PRIM2: variants seen among roughly 807,000 people sequenced by gnomAD.
PRIM2 encodes DNA primase subunit 2.
Under a neutral mutation model 67.3 loss-of-function variants are expected in PRIM2, and 39 were observed. The observed-to-expected ratio is 0.58, with a 90% confidence interval of 0.45 to 0.76. PRIM2 has a LOEUF of 0.76. PRIM2 is among the 30% of genes least tolerant of loss of function. The pLI, the probability that PRIM2 is intolerant of heterozygous loss-of-function variation, is 0.00. For synonymous variants in PRIM2, 143 were observed against 198.7 expected, an observed-to-expected ratio of 0.72 and a Z score of 2.36; for missense variants, 398 against 598.7, an observed-to-expected ratio of 0.66 and a Z score of 3.50.
At chr6:57,482,834 A>C (rs1773663086) in intron 7 of PRIM2, among the ~76,000 whole-genome samples, 1 of 152,164 alleles carries the variant, frequency 6.6e-6, no homozygotes. Context: ...AAGTCTACCA[A>C]ACACAAGGAT....
chr6:57,326,007 C>A lies in PRIM2; in HGVS notation c.421C>A (p.Gln141Lys). Residue 141 changes from glutamine (Q) to lysine (K), a missense_variant, in exon 5 of 14, where the codon CAG (glutamine) becomes AAG (lysine). This residue lies in a region of PRIM2 where 229 missense variants were observed against 383.6 expected (regional missense o/e 0.60). Transcript: ENST00000615550. ...RFSILPKDKI[Q>K]DFLKDSQLQF... ...TAGTATTTTACCCAAGGATAAAATT[C>A]AGGATTTCTTAAAGGATAGCCAATT... The A allele has an allele frequency of 6.2e-7, 1 of 1,612,874 alleles. No individual in the cohort carries two copies.
At chr6:57,280,833 T>A in the PRIM2 span, among the ~76,000 whole-genome samples, 5 of 151,316 alleles carry the variant, frequency 3.3e-5, no homozygotes, top group African/African-American at 4.9e-5. Context: ...TTAAAAAAAA[T>A]TTTCATTGAG....
At chr6:57,591,196 C>T (rs1163921321) in intron 10 of PRIM2, among the ~76,000 whole-genome samples, 11 of 152,138 alleles carry the variant, frequency 7.2e-5, no homozygotes, top group Non-Finnish European at 1.2e-4. Flanking sequence ...AATTTAGTTA[C>T]ATAAGAATTT....
intron 5 of PRIM2, among the ~76,000 whole-genome samples, chr6:57,355,064 G>A (rs145903505): frequency 0.028 from 4,286 of 152,112 alleles, 73 homozygotes; most frequent in Non-Finnish European, 0.04. Context: ...AGCACTTCGG[G>A]AGGCTGAGGT....
chr6:57,596,805 T>C (rs1452518480), intron 10 of PRIM2, among the ~76,000 whole-genome samples: 3 of 151,964 alleles, frequency 2.0e-5, no homozygotes, highest in Non-Finnish European at 4.4e-5. Flanking sequence ...TCCACTATAC[T>C]CTATATAGGG....
intron 8 of PRIM2, among the ~76,000 whole-genome samples, chr6:57,524,293 C>T (rs1774694249): frequency 6.6e-6 from 1 of 152,180 alleles, no homozygotes; most frequent in African/African-American, 2.4e-5. Context: ...GGAAAACTAG[C>T]CATGCTGGCC....
chr6:57,569,156 C>T (rs1196773288), intron 10 of PRIM2, among the ~76,000 whole-genome samples: 1 of 152,204 alleles, frequency 6.6e-6, no homozygotes, highest in East Asian at 1.9e-4. Context: ...GTCTTATGCT[C>T]TCATTTTTAT....
chr6:57,382,568 A>C (rs1769999340), intron 7 of PRIM2: 1 of 155,364 alleles, frequency 6.4e-6, no homozygotes, highest in African/African-American at 2.4e-5. Context: ...ACAATATAGA[A>C]GAAAATCTTA....
chr6:57,297,823 A>G, the PRIM2 span, among the ~76,000 whole-genome samples: 195 of 152,314 alleles, frequency 1.3e-3, 1 homozygote, highest in African/African-American at 4.5e-3. Flanking sequence ...AGTCTACAGA[A>G]TGACTGACTA....
chr6:57,428,316 C>G (rs1184743870), intron 7 of PRIM2, among the ~76,000 whole-genome samples: 1 of 152,194 alleles, frequency 6.6e-6, no homozygotes, highest in Admixed American at 6.5e-5. Flanking sequence ...CCCTGACCAT[C>G]TTACTTCCTT....
chr6:57,364,283 A>T (rs1462683337), intron 5 of PRIM2, among the ~76,000 whole-genome samples: 1 of 151,968 alleles, frequency 6.6e-6, no homozygotes, highest in Non-Finnish European at 1.5e-5. Context: ...GTGGTTGGTT[A>T]TCTTTAACTG....
At chr6:57,526,008 G>C (rs1243760767) in intron 8 of PRIM2, among the ~76,000 whole-genome samples, 14 of 152,290 alleles carry the variant, frequency 9.2e-5, no homozygotes, top group African/African-American at 3.4e-4. Context: ...CAACTGGGAT[G>C]TGGAAAAAAA....
intron 7 of PRIM2, among the ~76,000 whole-genome samples, chr6:57,424,170 G>A (rs1771550173): frequency 1.3e-5 from 2 of 152,140 alleles, no homozygotes; most frequent in East Asian, 3.8e-4. Context: ...CGAGAAAGTA[G>A]AGATTCTTTT....
intron 7 of PRIM2, among the ~76,000 whole-genome samples, chr6:57,394,757 C>T (rs1770463762): frequency 6.6e-6 from 1 of 152,134 alleles, no homozygotes; most frequent in African/African-American, 2.4e-5. Context: ...AGAGGGAATG[C>T]TTTCAACTTT....
the PRIM2 span, among the ~76,000 whole-genome samples, chr6:57,301,675 G>C: frequency 6.6e-6 from 1 of 152,122 alleles, no homozygotes; most frequent in East Asian, 1.9e-4. Flanking sequence ...GAATTAGCAA[G>C]GCATGGTGGT....
rs371849356 is a variant in PRIM2, at chr6:57,355,350, A to G, written c.460-24551A>G. Among the ~76,000 whole-genome samples the G allele has an allele frequency of 8.2e-3, 1,251 of 152,000 alleles. 10 individuals are homozygous for G. Among genetic ancestry groups the G allele is most frequent in the Non-Finnish European group, 0.013 (908 of 67,934 alleles). On this transcript the variant is annotated intron_variant, in intron 5 of 13. Transcript: ENST00000615550. ...AATAAAAAAGAGGAAAAAAAAGAAT[A>G]TTTAACAGACAGGTATGCCACGCTC...
intron 7 of PRIM2, among the ~76,000 whole-genome samples, chr6:57,470,718 T>C (rs1773317784): frequency 6.6e-6 from 1 of 152,052 alleles, no homozygotes; most frequent in African/African-American, 2.4e-5. Flanking sequence ...TTAAAACACA[T>C]TGTCCTTTAA....
chr6:57,531,976 T>C (rs1426409035), intron 8 of PRIM2, among the ~76,000 whole-genome samples: 4 of 152,136 alleles, frequency 2.6e-5, no homozygotes, highest in Non-Finnish European at 4.4e-5. Context: ...GGCATTATTA[T>C]CGCCATTAGT....
chr6:57,422,158 C>CTTTTTTTTCTTTTTTTTTTTTT (rs1771486266), intron 7 of PRIM2, among the ~76,000 whole-genome samples: 1 of 103,318 alleles, frequency 9.7e-6, no homozygotes, highest in Non-Finnish European at 1.9e-5. Flanking sequence ...TCTTTTCTTT[C>CTTTTTTTTCTTTTTTTTTTTTT]TTTTTTTTTT....
Sources: gnomAD v4.1 joint callset for allele counts (sites outside exome capture counted in the v4.1 genomes callset) on GRCh38, gnomAD v4.1.1 for gene constraint, gnomAD v4.1.1 regional missense constraint, MANE v1.5 for transcripts, NCBI Gene and HGNC (gene_info 2026-07-23, HGNC 2026-07-21) for gene names.